SGCZ: variants seen among roughly 807,000 people sequenced by gnomAD.
The protein encoded by SGCZ is sarcoglycan zeta, also known as zeta-sarcoglycan.
In SGCZ, 40 loss-of-function variants were observed where a neutral mutation model predicts 41.3. The ratio of observed to expected loss-of-function variants is 0.97; its 90% CI spans 0.75 to 1.26. SGCZ has a LOEUF of 1.26. SGCZ is among the 50% of genes most tolerant of loss of function. SGCZ has a pLI of 0.00. For synonymous variants in SGCZ, 206 were observed against 137.5 expected, an observed-to-expected ratio of 1.50 and a Z score of -3.49; for missense variants, 552 against 369.8, an observed-to-expected ratio of 1.49 and a Z score of -4.04.
At chr8:15,040,105 A>G (rs1415995974) in intron 1 of SGCZ, among the ~76,000 whole-genome samples, 1 of 152,258 alleles carries the variant, frequency 6.6e-6, no homozygotes, top group Non-Finnish European at 1.5e-5. Context: ...CTATTACACA[A>G]GACCATGAGA....
chr8:14,145,842 C>T (rs1266881847), intron 5 of SGCZ, among the ~76,000 whole-genome samples: 1 of 152,070 alleles, frequency 6.6e-6, no homozygotes, highest in Non-Finnish European at 1.5e-5. Flanking sequence ...ATGGCAGAAT[C>T]GATCAAGCTG....
At chr8:14,986,358 A>G (rs1801825400) in intron 1 of SGCZ, among the ~76,000 whole-genome samples, 1 of 152,052 alleles carries the variant, frequency 6.6e-6, no homozygotes, top group Non-Finnish European at 1.5e-5. Context: ...CGCACACAAA[A>G]TATCTCTAAA....
intron 2 of SGCZ, among the ~76,000 whole-genome samples, chr8:14,407,784 C>T (rs546782589): frequency 6.6e-6 from 1 of 152,136 alleles, no homozygotes; most frequent in East Asian, 1.9e-4. Context: ...ATGTATTTCC[C>T]TAGGTCAAGC....
At chr8:14,863,669 T>G (rs910136670) in intron 1 of SGCZ, among the ~76,000 whole-genome samples, 27 of 152,158 alleles carry the variant, frequency 1.8e-4, no homozygotes, top group Admixed American at 1.6e-3. Context: ...TTGAGTAAAT[T>G]CTAAGAACAG....
chr8:14,385,336 T>C lies in SGCZ; in HGVS notation c.235-61132A>G, dbSNP rs181417876. ...ACTAAGAAGCCCCTTTTGAGGAATA[T>C]GCAAGGTGTGTGTAAATAAAATAAA... On this transcript the variant is annotated intron_variant, in intron 2 of 7. Coordinates refer to ENST00000382080, the MANE Select transcript of SGCZ (RefSeq NM_139167.4). Among the ~76,000 whole-genome samples the C allele has an allele frequency of 3.6e-3, 544 of 152,266 alleles. 4 individuals are homozygous for C. Among genetic ancestry groups the C allele is most frequent in the South Asian group, 0.019 (93 of 4,818 alleles).
At chr8:14,707,703 A>T (rs774896691) in intron 1 of SGCZ, among the ~76,000 whole-genome samples, 3 of 152,152 alleles carry the variant, frequency 2.0e-5, no homozygotes, top group Non-Finnish European at 4.4e-5. Context: ...TTTATTTGAG[A>T]GCAAATAAAA....
At position 14,987,020 on chromosome 8, in the gene SGCZ, T is replaced by C. The variant is rs114051989; in HGVS notation, c.39+250565A>G. Among the ~76,000 whole-genome samples, 1,272 of 150,354 alleles carry C rather than the reference T, an allele frequency of 8.5e-3. 24 individuals are homozygous for C. Among genetic ancestry groups the C allele is most frequent in the African/African-American group, 0.029 (1,186 of 40,372 alleles). On this transcript the variant is annotated intron_variant, in intron 1 of 7. Coordinates refer to ENST00000382080, the MANE Select transcript of SGCZ (RefSeq NM_139167.4). ...CATAATATAATTTCCCTGAAATGAA[T>C]TTAAAAGATTTTTAAATTAACTATT... is the stretch of plus-strand genomic sequence containing the variant.
At chr8:14,128,471 C>A (rs770639475) in intron 5 of SGCZ, among the ~76,000 whole-genome samples, 1 of 152,120 alleles carries the variant, frequency 6.6e-6, no homozygotes, top group Non-Finnish European at 1.5e-5. Context: ...ATTACTACAA[C>A]CTCTATGGAA....
chr8:14,322,578 C>T (rs188254169), intron 3 of SGCZ, among the ~76,000 whole-genome samples: 1 of 152,060 alleles, frequency 6.6e-6, no homozygotes, highest in Non-Finnish European at 1.5e-5. Context: ...TACAACCTGC[C>T]TGCTGGTAGA....
chr8:15,022,624 G>A (rs537704119), intron 1 of SGCZ, among the ~76,000 whole-genome samples: 1 of 152,126 alleles, frequency 6.6e-6, no homozygotes, highest in Non-Finnish European at 1.5e-5. Flanking sequence ...TCACAGGCGT[G>A]AACCATCGTG....
intron 4 of SGCZ, among the ~76,000 whole-genome samples, chr8:14,190,017 T>C (rs1805042275): frequency 7.3e-6 from 1 of 136,772 alleles, no homozygotes; most frequent in Non-Finnish European, 1.6e-5. Context: ...TTTCTTTCTT[T>C]TTTTTTTTTT....
At chr8:15,197,971 A>G (rs967709737) in intron 1 of SGCZ, among the ~76,000 whole-genome samples, 15 of 149,498 alleles carry the variant, frequency 1.0e-4, no homozygotes, top group Admixed American at 2.0e-4. Context: ...CATTATATAT[A>G]TATTATGTAC....
intron 1 of SGCZ, among the ~76,000 whole-genome samples, chr8:14,850,415 G>C (rs1036838902): frequency 1.3e-5 from 2 of 152,136 alleles, no homozygotes; most frequent in East Asian, 3.9e-4. Flanking sequence ...GACAGAAGAT[G>C]GAGAAAACAA....
chr8:14,890,769 G>T (rs559867711), intron 1 of SGCZ, among the ~76,000 whole-genome samples: 1 of 152,192 alleles, frequency 6.6e-6, no homozygotes, highest in Non-Finnish European at 1.5e-5. Flanking sequence ...GAGAGTCAAT[G>T]CTTGGCCTCT....
At chr8:14,672,948 A>C (rs9657208) in intron 1 of SGCZ, among the ~76,000 whole-genome samples, 83,437 of 152,000 alleles carry the variant, frequency 0.55, 24,571 homozygotes, top group African/African-American at 0.75. Flanking sequence ...ACAGAGAGAG[A>C]AACCAGACAA....
chr8:15,086,988 G>C (rs565593278), intron 1 of SGCZ, among the ~76,000 whole-genome samples: 1 of 152,216 alleles, frequency 6.6e-6, no homozygotes, highest in African/African-American at 2.4e-5. Context: ...CTTCTCAAGA[G>C]ATGACATGAC....
intron 1 of SGCZ, among the ~76,000 whole-genome samples, chr8:14,797,627 A>T (rs2130490442): frequency 6.6e-6 from 1 of 152,370 alleles, no homozygotes. Context: ...AATTTGCACA[A>T]GTGACAAGGA....
intron 1 of SGCZ, among the ~76,000 whole-genome samples, chr8:15,222,946 G>A (rs1185991491): frequency 1.3e-5 from 2 of 152,114 alleles, no homozygotes; most frequent in African/African-American, 4.8e-5. Flanking sequence ...AATTGCATGA[G>A]TTTCATGAAA....
intron 1 of SGCZ, among the ~76,000 whole-genome samples, chr8:14,713,511 C>T (rs188865644): frequency 7.6e-4 from 116 of 152,224 alleles, no homozygotes; most frequent in Admixed American, 1.7e-3. Context: ...CCAACTGACT[C>T]ACACTTTACA....
Sources: gnomAD v4.1 joint callset for allele counts (sites outside exome capture counted in the v4.1 genomes callset) on GRCh38, gnomAD v4.1.1 for gene constraint, MANE v1.5 for transcripts, NCBI Gene and HGNC (gene_info 2026-07-23, HGNC 2026-07-21) for gene names.